Variants in MALRD1 observed in about 807,000 individuals in gnomAD.
MALRD1 encodes the protein MAM and LDL-receptor class A domain-containing protein 1.
MALRD1 carries 247 observed loss-of-function variants against 242.1 expected under a neutral mutation model. That is an observed-to-expected ratio of 1.02 (90% CI 0.92 to 1.13). The LOEUF (loss-of-function observed/expected upper bound fraction) is 1.13, where lower values mean the gene tolerates loss of function less well. Ranked by LOEUF, MALRD1 falls within the 50% of genes most tolerant of loss-of-function variation. The pLI, the probability that MALRD1 is intolerant of heterozygous loss-of-function variation, is 0.00. For missense variants in MALRD1, 2,989 were observed against 2,533.1 expected, an observed-to-expected ratio of 1.18 and a Z score of -3.86; for synonymous variants, 995 against 866.6, an observed-to-expected ratio of 1.15 and a Z score of -2.60.
chr10:19,530,401 T>TATAA (rs1564417274), intron 31 of MALRD1, among the ~76,000 whole-genome samples: 1,375 of 33,896 alleles, frequency 0.041, 282 homozygotes, highest in Non-Finnish European at 0.068. Context: ...TATATAAATA[T>TATAA]TATATATTTA....
At chr10:19,207,248 C>T (rs1337012229) in intron 17 of MALRD1, among the ~76,000 whole-genome samples, 1 of 151,934 alleles carries the variant, frequency 6.6e-6, no homozygotes, top group Non-Finnish European at 1.5e-5. Flanking sequence ...AAAATCTGTC[C>T]CCTTCCTCCA....
intron 17 of MALRD1, among the ~76,000 whole-genome samples, chr10:19,207,224 T>G (rs1836824536): frequency 6.6e-6 from 1 of 152,222 alleles, no homozygotes; most frequent in Admixed American, 6.5e-5. Flanking sequence ...AATGTAGAAC[T>G]ACTTGTTAAT....
intron 33 of MALRD1, among the ~76,000 whole-genome samples, chr10:19,594,546 C>T (rs992683315): frequency 2.0e-5 from 3 of 152,114 alleles, no homozygotes; most frequent in Non-Finnish European, 1.5e-5. Flanking sequence ...ATGTTTATAG[C>T]AGCACAATTC....
intron 31 of MALRD1, among the ~76,000 whole-genome samples, chr10:19,499,905 A>G (rs1357061841): frequency 2.6e-5 from 4 of 152,156 alleles, no homozygotes; most frequent in African/African-American, 9.7e-5. Context: ...CTATATGGTG[A>G]ATCACATGTA....
At chr10:19,420,451 A>C (rs938170905) in intron 28 of MALRD1, among the ~76,000 whole-genome samples, 2 of 152,334 alleles carry the variant, frequency 1.3e-5, no homozygotes, top group Admixed American at 1.3e-4. Context: ...TATCTTCATA[A>C]GGAAAAACAA....
chr10:19,291,750 A>G (rs935795521), intron 21 of MALRD1, among the ~76,000 whole-genome samples: 2 of 151,622 alleles, frequency 1.3e-5, no homozygotes, highest in Non-Finnish European at 2.9e-5. Flanking sequence ...AAAAAACAAA[A>G]TAAGAAAGAA....
Position 19,474,625 on chromosome 10 carries a change from A to G in MALRD1, c.5030-16892A>G, listed in dbSNP as rs181102622. The stretch of plus-strand genomic sequence containing the variant: ...TTATCAATTTTAATAACATCTGCTA[A>G]TATTATTTTATAACTTTATTTAGAA... On this transcript the variant is annotated intron_variant, in intron 29 of 39. Coordinates refer to ENST00000454679, the MANE Select transcript of MALRD1 (RefSeq NM_001142308.3). 2.2e-3 allele frequency among the ~76,000 whole-genome samples: 335 copies of G among 152,136 alleles called. 1 individual carries two copies. The highest frequency in any genetic ancestry group is 3.4e-3 in the Middle Eastern group (1 of 294).
At chr10:19,498,721 C>CA in intron 31 of MALRD1, 75 bp downstream of exon 31, 1 of 1,470,450 alleles carries the variant, frequency 6.8e-7, no homozygotes, top group Non-Finnish European at 9.1e-7. Flanking sequence ...GTGTGAATTT[C>CA]AGTGTGCATT....
At chr10:19,113,793 A>ACAC (rs1491331507) in intron 5 of MALRD1, among the ~76,000 whole-genome samples, 6 of 29,150 alleles carry the variant, frequency 2.1e-4, no homozygotes, top group Non-Finnish European at 5.0e-4. Context: ...ACCACCCCCT[A>ACAC]CACACACACA....
At chr10:19,686,477 T>G (rs1480644016) in intron 36 of MALRD1, among the ~76,000 whole-genome samples, 1 of 152,290 alleles carries the variant, frequency 6.6e-6, no homozygotes, top group African/African-American at 2.4e-5. Context: ...CCGTTTTGCT[T>G]CTTAGTGTGC....
At chr10:19,475,458 A>G (rs375752075) in intron 29 of MALRD1, among the ~76,000 whole-genome samples, 1 of 152,178 alleles carries the variant, frequency 6.6e-6, no homozygotes, top group Admixed American at 6.5e-5. Flanking sequence ...TCTTTTTTGT[A>G]GCTTTGTTAA....
chr10:19,064,807 G>C (rs141096118), intron 1 of MALRD1, among the ~76,000 whole-genome samples: 1 of 151,010 alleles, frequency 6.6e-6, no homozygotes, highest in South Asian at 2.1e-4. Flanking sequence ...AGGTGAGCTG[G>C]TGCTGTTAAA....
intron 28 of MALRD1, among the ~76,000 whole-genome samples, chr10:19,437,390 C>G (rs1834392508): frequency 6.6e-6 from 1 of 151,988 alleles, no homozygotes; most frequent in African/African-American, 2.4e-5. Context: ...AAATAACTTC[C>G]AATTTCTGGA....
intron 18 of MALRD1, among the ~76,000 whole-genome samples, chr10:19,253,759 G>T (rs970112455): frequency 6.6e-6 from 1 of 151,894 alleles, no homozygotes; most frequent in African/African-American, 2.4e-5. Context: ...TCCATTTCCT[G>T]ATATAGTCAA....
In MALRD1 at chr10:19,730,738, T is replaced by A. The variant is rs563536990; in HGVS notation, c.6347T>A (p.Val2116Asp). The change falls in exon 39 of 40, where the codon GTC becomes GAC. Residue 2116 changes from valine to aspartate, a missense_variant. Transcript: ENST00000454679. ...KTEGSGNCAF[V>D]NPVYGNWSNP... ...GAGGGAAGTGGTAACTGTGCCTTTG[T>A]CAATCCAGTTTACGGGAACTGGAGC... 1.4e-5 allele frequency: 21 copies of A among 1,536,578 alleles called. No homozygotes were observed. The highest frequency in any genetic ancestry group is 2.0e-5 in the Admixed American group (1 of 50,976).
chr10:19,239,749 A>G (rs999568283), intron 18 of MALRD1, among the ~76,000 whole-genome samples: 4 of 152,108 alleles, frequency 2.6e-5, no homozygotes, highest in African/African-American at 4.8e-5. Flanking sequence ...CATTTAATGA[A>G]GAGACTGTCT....
At chr10:19,349,986 G>T (rs1302387876) in intron 25 of MALRD1, among the ~76,000 whole-genome samples, 2 of 152,132 alleles carry the variant, frequency 1.3e-5, no homozygotes, top group Non-Finnish European at 2.9e-5. Context: ...AATTAATGAT[G>T]AATGGTTCAT....
At chr10:19,357,627 T>G (rs1433212643) in intron 26 of MALRD1, among the ~76,000 whole-genome samples, 4 of 152,174 alleles carry the variant, frequency 2.6e-5, no homozygotes, top group Non-Finnish European at 4.4e-5. Context: ...GAGTAGTGTA[T>G]GTGTGTGTAT....
At chr10:19,502,947 CT>C (rs1212255976) in intron 31 of MALRD1, among the ~76,000 whole-genome samples, 10 of 151,988 alleles carry the variant, frequency 6.6e-5, no homozygotes, top group African/African-American at 2.2e-4. Context: ...ATTAATTTTT[CT>C]TTTTTGAACT....
Sources: allele counts gnomAD v4.1 joint callset (sites outside exome capture counted in the v4.1 genomes callset), GRCh38; gene constraint gnomAD v4.1.1; transcripts MANE v1.5; gene names NCBI Gene and HGNC (gene_info 2026-07-23, HGNC 2026-07-21).